Variants in MARCHF5 observed in about 807,000 individuals in gnomAD.
MARCHF5 encodes membrane associated ring-CH-type finger 5.
Under a neutral mutation model 36.5 loss-of-function variants are expected in MARCHF5, and 5 were observed. The observed-to-expected ratio is 0.14, with a 90% CI of 0.07 to 0.29. The LOEUF is 0.29. Ranked by LOEUF, MARCHF5 falls within the 10% of genes least tolerant of loss-of-function variation. The pLI is 1.00. For missense variants in MARCHF5, 179 were observed against 336.3 expected (o/e 0.53, Z 3.66); for synonymous variants, 103 against 109.9 (o/e 0.94, Z 0.39).
At chr10:92,347,512 A>ATAGAT (rs1843660902) in intron 3 of MARCHF5, among the ~76,000 whole-genome samples, 1 of 42,182 alleles carries the variant, frequency 2.4e-5, no homozygotes, top group African/African-American at 8.8e-5. Flanking sequence ...ATAGATAGAT[A>ATAGAT]GATAGATAGA....
At chr10:92,297,606 C>T (rs1423911994) in intron 1 of MARCHF5, among the ~76,000 whole-genome samples, 2 of 151,496 alleles carry the variant, frequency 1.3e-5, no homozygotes, top group Non-Finnish European at 2.9e-5. Context: ...ATTCTCCCAC[C>T]TCAACCTCCC....
At position 92,291,315 on chromosome 10, in the gene MARCHF5, A is replaced by C. The variant is rs1466077861; in HGVS notation, c.-180A>C. 6.9e-6 allele frequency: 4 copies of C among 581,104 alleles called. No individual in the cohort carries two copies. The highest frequency in any genetic ancestry group is 6.8e-5 in the Admixed American group (2 of 29,536). The allele number at this position is 581,104 out of a possible 1,614,324, so 36.0% of individuals were successfully genotyped here. ...CCTCGCTCTCCGCCGCCTCCGCCGG[A>C]CTCCCGCAGGCCCTGCACCGCCGCC... On this transcript the variant is annotated 5_prime_UTR_variant, in exon 1 of 6. Coordinates refer to ENST00000358935, the MANE Select transcript of MARCHF5 (RefSeq NM_017824.5).
chr10:92,305,497 A>G (rs1372462983), intron 1 of MARCHF5, among the ~76,000 whole-genome samples: 4 of 152,050 alleles, frequency 2.6e-5, no homozygotes, highest in African/African-American at 9.7e-5. Flanking sequence ...CGGGATCATG[A>G]TCACCTGATG....
chr10:92,291,550 G>GA, intron 1 of MARCHF5, 21 bp downstream of exon 1: 1 of 1,530,376 alleles, frequency 6.5e-7, no homozygotes. Context: ...CTGTGGGGGG[G>GA]ACCGGGAGCC....
chr10:92,347,359 C>T (rs1426591895), intron 3 of MARCHF5, among the ~76,000 whole-genome samples: 1 of 151,956 alleles, frequency 6.6e-6, no homozygotes, highest in African/African-American at 2.4e-5. Context: ...GTGCCATGTG[C>T]CTGTAATCCC....
At chr10:92,297,372 G>A (rs11594722) in intron 1 of MARCHF5, among the ~76,000 whole-genome samples, 12,226 of 150,882 alleles carry the variant, frequency 0.081, 628 homozygotes, top group East Asian at 0.19. Flanking sequence ...GTTTCACCAC[G>A]TTGCCCAGGC....
intron 5 of MARCHF5, 107 bp downstream of exon 5, chr10:92,349,944 C>A: frequency 1.2e-6 from 1 of 830,412 alleles, no homozygotes; most frequent in Non-Finnish European, 1.9e-6. Context: ...GGCTCCTATG[C>A]ATTAAGCCTC....
Position 92,291,498 on chromosome 10 carries a change from C to A in MARCHF5, c.4C>A (p.Pro2Thr). 1 of 1,548,236 alleles carries A rather than the reference C, an allele frequency of 6.5e-7. No homozygotes were observed. The highest frequency in any genetic ancestry group is 2.5e-5 in the East Asian group (1 of 40,628). ...GTGTGCGCCGGCTCCGCGGAAGATG[C>A]CGGACCAAGCCCTACAGCAGATGCT... The part of the protein sequence containing the change: M[P>T]DQALQQMLDR... The change falls in exon 1 of 6, where the codon CCG (proline) becomes ACG (threonine). Residue 2 changes from proline (P) to threonine (T), a missense_variant. Pro to Thr is a conservative substitution (Grantham distance 38). This residue lies in a region of MARCHF5 where 18 missense variants were observed against 16.3 expected (regional missense o/e 1.11). Transcript: ENST00000358935.
At chr10:92,300,323 A>G (rs1842998119) in intron 1 of MARCHF5, among the ~76,000 whole-genome samples, 1 of 151,784 alleles carries the variant, frequency 6.6e-6, no homozygotes, top group South Asian at 2.1e-4. Context: ...CTACTTAAAA[A>G]AAAAAAGAAA....
At chr10:92,292,566 C>G (rs1408023295) in intron 1 of MARCHF5, among the ~76,000 whole-genome samples, 2 of 152,104 alleles carry the variant, frequency 1.3e-5, no homozygotes, top group Admixed American at 1.3e-4. Flanking sequence ...ACAAATGACC[C>G]AAGGGTACAC....
At chr10:92,292,002 C>G (rs1344247271) in intron 1 of MARCHF5, among the ~76,000 whole-genome samples, 6 of 152,074 alleles carry the variant, frequency 3.9e-5, no homozygotes, top group African/African-American at 1.4e-4. Context: ...CTCCCACTTT[C>G]CCTGAACCCG....
intron 1 of MARCHF5, among the ~76,000 whole-genome samples, chr10:92,302,157 TAC>T (rs1310686343): frequency 6.6e-6 from 1 of 152,220 alleles, no homozygotes. Flanking sequence ...CCATGTTCAG[TAC>T]AGACTCTTTT....
At chr10:92,299,347 C>T (rs565469863) in intron 1 of MARCHF5, among the ~76,000 whole-genome samples, 9 of 151,742 alleles carry the variant, frequency 5.9e-5, no homozygotes, top group East Asian at 1.9e-4. Context: ...AACGGGGTAA[C>T]GTGCTTTGAT....
At chr10:92,322,460 G>C (rs1843301661) in intron 2 of MARCHF5, among the ~76,000 whole-genome samples, 1 of 128,638 alleles carries the variant, frequency 7.8e-6, no homozygotes, top group African/African-American at 3.0e-5. Flanking sequence ...TTTTTTTTGA[G>C]ACAGGGCCTC....
At chr10:92,291,602 C>G (rs1842866317) in intron 1 of MARCHF5, 73 bp downstream of exon 1, 1 of 1,455,888 alleles carries the variant, frequency 6.9e-7, no homozygotes, top group African/African-American at 1.5e-5. Flanking sequence ...GCCCTCGAGG[C>G]TCTTGGTGAG....
In MARCHF5 at chr10:92,338,380, C is replaced by T. The variant is rs530552542; in HGVS notation, c.239-2293C>T. Among the ~76,000 whole-genome samples the T allele has an allele frequency of 1.2e-3, 180 of 152,282 alleles. 4 individuals are homozygous for T. The South Asian group carries it at 0.036, about 30-fold the overall frequency. ...TGTCTTGAGAATTCAGCACTATATT[C>T]TGAGATTAAATAATGATGCATGTAA... On this transcript the variant is annotated intron_variant, in intron 2 of 5. Transcript: ENST00000358935.
chr10:92,321,659 A>G (rs1299237610), intron 2 of MARCHF5, among the ~76,000 whole-genome samples: 1 of 152,042 alleles, frequency 6.6e-6, no homozygotes, highest in Non-Finnish European at 1.5e-5. Context: ...GGAGCAGTGA[A>G]GCCATTTGGT....
At chr10:92,334,710 CA>C (rs927807246) in intron 2 of MARCHF5, 8 of 152,106 alleles carry the variant, frequency 5.3e-5, no homozygotes, top group African/African-American at 1.7e-4. Context: ...ACAGTGGCAG[CA>C]AAAATCTACT....
intron 1 of MARCHF5, 170 bp downstream of exon 1, chr10:92,291,699 G>A (rs1454198565): frequency 2.0e-5 from 12 of 591,206 alleles, no homozygotes; most frequent in Non-Finnish European, 2.3e-5. Flanking sequence ...GGGGAGGACA[G>A]AGCGAGCGGC....
Sources: allele counts gnomAD v4.1 joint callset (sites outside exome capture counted in the v4.1 genomes callset), GRCh38; gene constraint gnomAD v4.1.1; regional missense constraint gnomAD v4.1.1; transcripts MANE v1.5; gene names NCBI Gene and HGNC (gene_info 2026-07-23, HGNC 2026-07-21).